Variants in ILDR1 observed in about 807,000 individuals in gnomAD.
ILDR1 encodes immunoglobulin-like domain-containing receptor 1.
A neutral mutation model predicts 62.4 loss-of-function variants in ILDR1; 56 were observed. That is an observed-to-expected ratio of 0.90 (90% CI 0.72 to 1.12). The LOEUF is 1.12. Among genes scored for constraint, ILDR1 ranks in the 50% most tolerant of loss-of-function variants. ILDR1 has a pLI of 0.00. For missense variants in ILDR1, 736 were observed against 710.6 expected, an observed-to-expected ratio of 1.04 and a Z score of -0.41; for synonymous variants, 284 against 277.8, an observed-to-expected ratio of 1.02 and a Z score of -0.22.
chr3:122,058,474 C>G, the ILDR1 span, among the ~76,000 whole-genome samples: 4 of 152,160 alleles, frequency 2.6e-5, no homozygotes, highest in African/African-American at 9.7e-5. Flanking sequence ...TGACTCAGAG[C>G]TACTGGGGCT....
chr3:122,018,477 C>A (rs1213243090), intron 1 of ILDR1, among the ~76,000 whole-genome samples: 2 of 152,000 alleles, frequency 1.3e-5, no homozygotes, highest in Non-Finnish European at 2.9e-5. Flanking sequence ...ACCACTATGG[C>A]ACGTGTATAC....
chr3:121,994,821 C>T (rs2071412783), intron 5 of ILDR1, among the ~76,000 whole-genome samples: 1 of 152,170 alleles, frequency 6.6e-6, no homozygotes, highest in Admixed American at 6.5e-5. Context: ...TTGGCAATTG[C>T]ATGGAAGAGT....
chr3:122,035,552 C>T, the ILDR1 span, among the ~76,000 whole-genome samples: 1 of 152,252 alleles, frequency 6.6e-6, no homozygotes, highest in African/African-American at 2.4e-5. Flanking sequence ...GGCAGATTTC[C>T]TCCTTGCTAT....
chr3:122,002,617 CA>C (rs1216779977), intron 3 of ILDR1, among the ~76,000 whole-genome samples: 3 of 151,970 alleles, frequency 2.0e-5, no homozygotes, highest in Non-Finnish European at 4.4e-5. Flanking sequence ...GCTGTACATT[CA>C]TTTTTTTTTT....
At chr3:122,010,415 A>T (rs13093171) in intron 1 of ILDR1, among the ~76,000 whole-genome samples, 40,074 of 151,838 alleles carry the variant, frequency 0.26, 5,715 homozygotes, top group Admixed American at 0.4. Context: ...ATGAAAAAAA[A>T]ATATATATCA....
chr3:122,008,228 T>A (rs758721456), intron 1 of ILDR1, among the ~76,000 whole-genome samples: 19 of 152,286 alleles, frequency 1.2e-4, no homozygotes, highest in Non-Finnish European at 2.6e-4. Flanking sequence ...TTTTTCCTTT[T>A]AAAAAATGTC....
chr3:121,999,442 G>A (rs1374065539), intron 5 of ILDR1, among the ~76,000 whole-genome samples: 16 of 152,106 alleles, frequency 1.1e-4, no homozygotes, highest in Admixed American at 9.8e-4. Flanking sequence ...GAATAATTTT[G>A]TATTATTTTG....
the ILDR1 span, among the ~76,000 whole-genome samples, chr3:122,040,162 A>G: frequency 6.6e-6 from 1 of 152,022 alleles, no homozygotes; most frequent in African/African-American, 2.4e-5. Context: ...GGAGGAGTAA[A>G]CCAGAATTAA....
chr3:122,028,098 C>T, the ILDR1 span, among the ~76,000 whole-genome samples: 5 of 151,500 alleles, frequency 3.3e-5, no homozygotes, highest in Non-Finnish European at 5.9e-5. Flanking sequence ...GAGGCCAAGG[C>T]GGGCAGATCA....
intron 1 of ILDR1, among the ~76,000 whole-genome samples, chr3:122,017,807 G>C (rs1026235028): frequency 6.6e-6 from 1 of 152,158 alleles, no homozygotes; most frequent in African/African-American, 2.4e-5. Context: ...CATCATCACT[G>C]GTCACTAGAG....
chr3:122,022,914 A>AAAATAAATAAATAAATAAAT (rs59901956), upstream of ILDR1, among the ~76,000 whole-genome samples: 1 of 143,344 alleles, frequency 7.0e-6, no homozygotes, highest in African/African-American at 2.6e-5. Context: ...CTCGGTCTCG[A>AAAATAAATAAATAAATAAAT]AAATAAATAA....
At chr3:121,990,732 A>T (rs558710450) in intron 7 of ILDR1, among the ~76,000 whole-genome samples, 1 of 152,246 alleles carries the variant, frequency 6.6e-6, no homozygotes, top group East Asian at 1.9e-4. Context: ...CTACGGGTAC[A>T]TGCCACTGCA....
At chr3:122,034,251 G>C in the ILDR1 span, among the ~76,000 whole-genome samples, 3 of 152,052 alleles carry the variant, frequency 2.0e-5, no homozygotes, top group African/African-American at 7.2e-5. Context: ...CTTGTGTCTG[G>C]TTAATTTTCA....
At chr3:122,017,234 A>G (rs1296463697) in intron 1 of ILDR1, among the ~76,000 whole-genome samples, 1 of 152,058 alleles carries the variant, frequency 6.6e-6, no homozygotes, top group Non-Finnish European at 1.5e-5. Context: ...TTTTTTGTAG[A>G]GAAGGGGTTT....
intron 7 of ILDR1, among the ~76,000 whole-genome samples, chr3:121,991,521 T>C (rs987445337): frequency 6.6e-6 from 1 of 152,262 alleles, no homozygotes; most frequent in Non-Finnish European, 1.5e-5. Flanking sequence ...GTATCATCTG[T>C]AAATGAGGAT....
At chr3:122,010,580 T>C (rs1218440342) in intron 1 of ILDR1, among the ~76,000 whole-genome samples, 1 of 152,232 alleles carries the variant, frequency 6.6e-6, no homozygotes, top group East Asian at 1.9e-4. Flanking sequence ...GTTCTTGTTC[T>C]TTCTCTGTGA....
chr3:121,994,232 T>TCCGCCCC lies in ILDR1; in HGVS notation c.721_727dup (p.Asp243GlyfsTer65). 6.5e-7 allele frequency: 1 copy of TCCGCCCC among 1,536,084 alleles called. No individual in the cohort carries two copies. Among genetic ancestry groups the TCCGCCCC allele is most frequent in the Non-Finnish European group, 8.7e-7 (1 of 1,146,872 alleles). ...ATAAGATGAAACCTGGGAGCTCCTG[T>TCCGCCCC]CCGCCCCCCAGTACAGGGGTTTTCC... On this transcript the variant is annotated frameshift_variant, in exon 6 of 8. Transcript: ENST00000344209. LOFTEE classifies it high-confidence loss of function.
At chr3:122,007,960 G>A (rs1030509756) in intron 1 of ILDR1, among the ~76,000 whole-genome samples, 2 of 152,142 alleles carry the variant, frequency 1.3e-5, no homozygotes, top group African/African-American at 4.8e-5. Context: ...GCTTCTTGTT[G>A]ATGGTCTGCT....
chr3:122,052,277 A>G, the ILDR1 span, among the ~76,000 whole-genome samples: 1 of 152,176 alleles, frequency 6.6e-6, no homozygotes, highest in Admixed American at 6.5e-5. Flanking sequence ...CAGTGATTCA[A>G]GACAGACAAG....
Sources: gnomAD v4.1 joint callset for allele counts (sites outside exome capture counted in the v4.1 genomes callset) on GRCh38, gnomAD v4.1.1 for gene constraint, MANE v1.5 for transcripts, NCBI Gene and HGNC (gene_info 2026-07-23, HGNC 2026-07-21) for gene names.